The following PCDHA9 variants were observed in gnomAD, a reference collection of about 807,000 sequenced individuals.
PCDHA9 encodes the protein protocadherin alpha 9.
In PCDHA9, 62 loss-of-function variants were observed where a neutral mutation model predicts 62.0. The observed-to-expected ratio is 1.00, with a 90% CI of 0.81 to 1.23. The LOEUF (loss-of-function observed/expected upper bound fraction) is 1.23, where lower values mean the gene tolerates loss of function less well. PCDHA9 is among the 50% of genes most tolerant of loss of function. The pLI, the probability that PCDHA9 is intolerant of heterozygous loss-of-function variation, is 0.00. For synonymous variants in PCDHA9, 557 were observed against 567.6 expected, an observed-to-expected ratio of 0.98 and a Z score of 0.27; for missense variants, 1,205 against 1,249.8, an observed-to-expected ratio of 0.96 and a Z score of 0.54.
chr5:140,882,651 A>T, intron 1 of PCDHA9: 1 of 1,614,206 alleles, frequency 6.2e-7, no homozygotes, highest in Non-Finnish European at 8.5e-7. Context: ...GACATTAACG[A>T]CAACCCGCCC....
In PCDHA9 at chr5:141,009,750, T is replaced by C; in HGVS notation, c.2666T>C (p.Ile889Thr). Residue 889 changes from isoleucine (I) to threonine (T), a missense_variant, in exon 4 of 4, where the codon ATT becomes ACT. By Grantham distance (89) the Ile-to-Thr change is moderately conservative. This residue lies in a region of PCDHA9 where 887 missense variants were observed against 809.5 expected (regional missense o/e 1.10). Coordinates refer to ENST00000532602, the MANE Select transcript of PCDHA9 (RefSeq NM_031857.2). ...CCCGGTGAGTTGCCCGACAAATTCA[T>C]TATCCCAGGATCTCCTGCAATCATC... ...SGPGELPDKF[I>T]IPGSPAIISI... 1.2e-6 allele frequency: 2 copies of C among 1,614,130 alleles called. No individual in the cohort carries two copies. The highest frequency in any genetic ancestry group is 3.3e-5 in the Admixed American group (2 of 60,026).
At chr5:140,923,142 T>TA (rs1262526439) in intron 1 of PCDHA9, among the ~76,000 whole-genome samples, 1 of 152,006 alleles carries the variant, frequency 6.6e-6, no homozygotes, top group African/African-American at 2.4e-5. Context: ...AGGTGGAATA[T>TA]AAAAAAAATT....
intron 3 of PCDHA9, among the ~76,000 whole-genome samples, chr5:140,991,587 C>T (rs1469333893): frequency 1.3e-5 from 2 of 152,208 alleles, no homozygotes; most frequent in African/African-American, 2.4e-5. Flanking sequence ...CTTATTTCTA[C>T]CTGAGCCCTC....
chr5:140,877,260 G>A (rs1329010026), intron 1 of PCDHA9: 3 of 1,613,766 alleles, frequency 1.9e-6, no homozygotes, highest in African/African-American at 2.7e-5. Context: ...AAGTGCGCGC[G>A]GTGGACGCTG....
chr5:140,903,765 C>G (rs782453519), intron 1 of PCDHA9, among the ~76,000 whole-genome samples: 1 of 152,086 alleles, frequency 6.6e-6, no homozygotes. Flanking sequence ...TTTTGCTGAA[C>G]TTTTCTATCC....
At chr5:140,917,118 G>A (rs961408905) in intron 1 of PCDHA9, among the ~76,000 whole-genome samples, 2 of 152,106 alleles carry the variant, frequency 1.3e-5, no homozygotes, top group African/African-American at 2.4e-5. Context: ...CTCCAAGTGC[G>A]CAGACTCCCC....
rs1478499072 is a variant in PCDHA9 at position 140,882,356 on chromosome 5, C to T, written c.2394+31467C>T. 4 of 1,614,070 alleles carry T rather than the reference C, an allele frequency of 2.5e-6. No individual in the cohort carries two copies. The Admixed American group carries it at 5.0e-5, about 20-fold the overall frequency. On this transcript the variant is annotated intron_variant, in intron 1 of 3. Coordinates refer to ENST00000532602, the MANE Select transcript of PCDHA9 (RefSeq NM_031857.2). ...CGCAGCCTGGGAGACGGGTAGTGGC[C>T]AGCTCCACTACTCCGTCCCCGAGGA... is the stretch of plus-strand genomic sequence containing the variant.
At chr5:140,932,967 T>C (rs367764644) in intron 1 of PCDHA9, among the ~76,000 whole-genome samples, 2 of 152,036 alleles carry the variant, frequency 1.3e-5, no homozygotes, top group South Asian at 2.1e-4. Context: ...TGCTGAAAGG[T>C]TTTTACAATG....
intron 1 of PCDHA9, among the ~76,000 whole-genome samples, chr5:140,936,540 G>A (rs1320380132): frequency 6.6e-6 from 1 of 152,174 alleles, no homozygotes; most frequent in East Asian, 1.9e-4. Context: ...TGAATATAGT[G>A]CAATGTAGAA....
rs782073950 is a variant in PCDHA9, at chr5:140,978,950, C to G, written c.2396C>G (p.Pro799Arg). The G allele has an allele frequency of 1.2e-6, 2 of 1,614,102 alleles. No individual in the cohort carries two copies. The highest frequency in any genetic ancestry group is 1.7e-6 in the Non-Finnish European group (2 of 1,180,022). Reference sequence around the variant, plus strand: ...AAAACTCTCTTTGTGATTTTGCAGCCACGACAGCCCAACCCTGACTGGCGT... The same window carrying G: ...AAAACTCTCTTTGTGATTTTGCAGCGACGACAGCCCAACCCTGACTGGCGT... ...PSASSDSTGK[P>R]RQPNPDWRYS... The change falls in exon 2 of 4, where the codon CCA becomes CGA. Residue 799 changes from proline to arginine, a missense_variant and splice_region_variant. This residue lies in a region of PCDHA9 where 887 missense variants were observed against 809.5 expected (regional missense o/e 1.10). Coordinates refer to ENST00000532602, the MANE Select transcript of PCDHA9 (RefSeq NM_031857.2).
At chr5:140,974,614 C>T (rs757071183) in intron 1 of PCDHA9, among the ~76,000 whole-genome samples, 3 of 152,070 alleles carry the variant, frequency 2.0e-5, no homozygotes, top group East Asian at 1.9e-4. Context: ...AGGGTTCAAG[C>T]GATTCTCCTG....
At chr5:140,924,064 G>T (rs1584331926) in intron 1 of PCDHA9, among the ~76,000 whole-genome samples, 1 of 152,172 alleles carries the variant, frequency 6.6e-6, no homozygotes. Context: ...CTTTACAGTT[G>T]TATTTCATCT....
At chr5:140,976,782 A>G (rs1209900673) in intron 1 of PCDHA9, among the ~76,000 whole-genome samples, 1 of 152,212 alleles carries the variant, frequency 6.6e-6, no homozygotes, top group African/African-American at 2.4e-5. Flanking sequence ...CTGACTATAT[A>G]GCTACGCTTT....
At chr5:140,914,606 C>A (rs1212372337) in intron 1 of PCDHA9, among the ~76,000 whole-genome samples, 2 of 152,072 alleles carry the variant, frequency 1.3e-5, no homozygotes, top group Admixed American at 6.5e-5. Context: ...CTTCCTCCTG[C>A]CATTTTGTAA....
At chr5:140,960,444 T>C in intron 1 of PCDHA9, among the ~76,000 whole-genome samples, 1 of 152,022 alleles carries the variant, frequency 6.6e-6, no homozygotes, top group Non-Finnish European at 1.5e-5. Context: ...TAGATATATG[T>C]ATGGATAATT....
chr5:140,928,744 C>T (rs143875858), intron 1 of PCDHA9: 3 of 1,614,144 alleles, frequency 1.9e-6, no homozygotes, highest in Admixed American at 3.3e-5. Context: ...TATAGGTGAG[C>T]TCCGTACTGC....
chr5:140,981,985 G>C (rs1554243637), intron 2 of PCDHA9, among the ~76,000 whole-genome samples: 1 of 152,162 alleles, frequency 6.6e-6, no homozygotes, highest in Non-Finnish European at 1.5e-5. Context: ...GAGTAAAATA[G>C]AAAATAAGGT....
chr5:140,947,103 G>A (rs1355984234), intron 1 of PCDHA9, among the ~76,000 whole-genome samples: 1 of 151,176 alleles, frequency 6.6e-6, no homozygotes, highest in Admixed American at 6.6e-5. Flanking sequence ...CCATAAATAG[G>A]TACGTGTCAA....
At chr5:140,882,300 C>T in intron 1 of PCDHA9, 2 of 1,613,722 alleles carry the variant, frequency 1.2e-6, no homozygotes, top group Non-Finnish European at 1.7e-6. Context: ...GGCCCAAGAC[C>T]GCGGCAACTA....
Sources: allele counts gnomAD v4.1 joint callset (sites outside exome capture counted in the v4.1 genomes callset), GRCh38; gene constraint gnomAD v4.1.1; regional missense constraint gnomAD v4.1.1; transcripts MANE v1.5; gene names NCBI Gene and HGNC (gene_info 2026-07-23, HGNC 2026-07-21).